The following CLVS1 variants were observed in gnomAD, a reference collection of about 807,000 sequenced individuals.
The protein encoded by CLVS1 is clavesin-1.
A neutral mutation model predicts 33.1 loss-of-function variants in CLVS1; 10 were observed. The ratio of observed to expected loss-of-function variants is 0.30; its 90% CI spans 0.19 to 0.51. CLVS1 has a LOEUF of 0.51. CLVS1 is among the 20% of genes least tolerant of loss of function. The pLI is 0.97. For missense variants in CLVS1, 343 were observed against 433.4 expected, an observed-to-expected ratio of 0.79 and a Z score of 1.85; for synonymous variants, 163 against 166.1, an observed-to-expected ratio of 0.98 and a Z score of 0.14.
chr8:61,375,872 CA>C (rs1409810765), intron 2 of CLVS1, among the ~76,000 whole-genome samples: 7 of 152,150 alleles, frequency 4.6e-5, no homozygotes, highest in Non-Finnish European at 1.0e-4. Context: ...AAACAAAAAT[CA>C]CGTGGCAAAT....
intron 1 of CLVS1, among the ~76,000 whole-genome samples, chr8:61,079,863 G>A (rs1804990430): frequency 6.6e-6 from 1 of 151,824 alleles, no homozygotes; most frequent in Non-Finnish European, 1.5e-5. Flanking sequence ...TGTGCTAAAT[G>A]TTACTAATGG....
At chr8:61,367,867 T>C (rs1166953131) in intron 2 of CLVS1, among the ~76,000 whole-genome samples, 2 of 152,250 alleles carry the variant, frequency 1.3e-5, no homozygotes, top group Non-Finnish European at 2.9e-5. Flanking sequence ...AAAATTACTT[T>C]TTTCTCTTTG....
intron 2 of CLVS1, among the ~76,000 whole-genome samples, chr8:61,190,473 C>A (rs968691951): frequency 6.6e-6 from 1 of 152,062 alleles, no homozygotes; most frequent in Non-Finnish European, 1.5e-5. Flanking sequence ...ACTAGGGAAG[C>A]AAGAGCAAAC....
At chr8:61,363,502 A>G (rs914236436) in intron 2 of CLVS1, among the ~76,000 whole-genome samples, 1 of 152,206 alleles carries the variant, frequency 6.6e-6, no homozygotes, top group African/African-American at 2.4e-5. Flanking sequence ...ATTAAGGAAA[A>G]GAAACCAATG....
chr8:61,092,457 A>G (rs1291763798), intron 1 of CLVS1, among the ~76,000 whole-genome samples: 1 of 152,222 alleles, frequency 6.6e-6, no homozygotes, highest in East Asian at 1.9e-4. Context: ...TTATAACAAC[A>G]CAAATTTACT....
chr8:61,037,726 T>C, the CLVS1 span, among the ~76,000 whole-genome samples: 1 of 152,228 alleles, frequency 6.6e-6, no homozygotes, highest in Non-Finnish European at 1.5e-5. Context: ...AAACACTCGC[T>C]ATCTCCGAGT....
chr8:61,326,283 A>G (rs1303391891), intron 2 of CLVS1, among the ~76,000 whole-genome samples: 2 of 152,178 alleles, frequency 1.3e-5, no homozygotes, highest in Non-Finnish European at 2.9e-5. Flanking sequence ...TCTCATGATT[A>G]TGTGACTTGA....
At chr8:61,451,810 C>CAGAGAGAGAGAGAGAGAGAG (rs545429020) in intron 3 of CLVS1, among the ~76,000 whole-genome samples, 2 of 137,408 alleles carry the variant, frequency 1.5e-5, no homozygotes, top group Non-Finnish European at 3.0e-5. Flanking sequence ...CACACACACA[C>CAGAGAGAGAGAGAGAGAGAG]ACAGAGAGAG....
rs151222078 is a variant in CLVS1 at position 61,087,469 on chromosome 8, C to A, written c.-243+30239C>A. 2.0e-3 allele frequency among the ~76,000 whole-genome samples: 299 copies of A among 152,298 alleles called. 1 individual carries two copies. The highest frequency in any genetic ancestry group is 7.0e-3 in the African/African-American group (290 of 41,570). On this transcript the variant is annotated intron_variant, in intron 1 of 2. Coordinates refer to the CLVS1 transcript ENST00000522621. The stretch of plus-strand genomic sequence containing the variant: ...GTCATTCTGTTTCTTTCCTCTCCCC[C>A]CTCCTCATGCTCCAACTCAGAGGAG...
At chr8:61,352,010 T>G (rs1355707006) in intron 2 of CLVS1, among the ~76,000 whole-genome samples, 1 of 151,612 alleles carries the variant, frequency 6.6e-6, no homozygotes, top group East Asian at 1.9e-4. Context: ...AGAGGAAGAG[T>G]AGAAACATGT....
intron 1 of CLVS1, among the ~76,000 whole-genome samples, chr8:61,072,196 C>T (rs62524478): frequency 0.01 from 1,573 of 152,300 alleles, 13 homozygotes; most frequent in Middle Eastern, 0.027. Context: ...CAGCTTCACC[C>T]GCTGCCTTCA....
chr8:61,223,827 T>G (rs1294047452), intron 2 of CLVS1, among the ~76,000 whole-genome samples: 1 of 152,196 alleles, frequency 6.6e-6, no homozygotes, highest in East Asian at 1.9e-4. Context: ...TGGTTTGCTC[T>G]GTTTACATAG....
the CLVS1 span, among the ~76,000 whole-genome samples, chr8:60,986,133 G>T: frequency 6.6e-6 from 1 of 152,166 alleles, no homozygotes; most frequent in South Asian, 2.1e-4. Context: ...AGATGCAAAG[G>T]TTATGAAAAC....
intron 2 of CLVS1, among the ~76,000 whole-genome samples, chr8:61,213,704 C>T (rs1808021593): frequency 6.6e-6 from 1 of 152,060 alleles, no homozygotes; most frequent in South Asian, 2.1e-4. Flanking sequence ...CCTCAGGACC[C>T]TGTAACAATT....
chr8:61,400,093 G>A (rs1203862942), intron 3 of CLVS1, among the ~76,000 whole-genome samples: 1 of 152,108 alleles, frequency 6.6e-6, no homozygotes, highest in African/African-American at 2.4e-5. Context: ...AGTTTCATGG[G>A]TATAGTATTG....
rs542279219 is a variant in CLVS1 at position 61,174,604 on chromosome 8, G to A, written c.-152+42744G>A. 9.9e-5 allele frequency among the ~76,000 whole-genome samples: 15 copies of A among 152,228 alleles called. No homozygotes were observed. The South Asian group carries it at 1.7e-3, about 17-fold the overall frequency. On this transcript the variant is annotated intron_variant, in intron 2 of 2. Coordinates refer to the CLVS1 transcript ENST00000522621. ...GTTCCCCAACCAGTATTTTTTGTTG[G>A]AATTCAGAATGACTTTTTGACCATT...
intron 3 of CLVS1, among the ~76,000 whole-genome samples, chr8:61,392,022 G>A (rs927533423): frequency 6.6e-6 from 1 of 152,104 alleles, no homozygotes; most frequent in South Asian, 2.1e-4. Context: ...TATAATGCTT[G>A]CATTTCTTTA....
At chr8:61,261,297 T>G (rs551820123) in intron 2 of CLVS1, among the ~76,000 whole-genome samples, 5 of 152,322 alleles carry the variant, frequency 3.3e-5, no homozygotes, top group African/African-American at 9.6e-5. Context: ...GAAACACTGG[T>G]TAAGCAACAT....
intron 1 of CLVS1, among the ~76,000 whole-genome samples, chr8:61,291,136 C>T (rs1004633701): frequency 2.0e-5 from 3 of 152,174 alleles, no homozygotes; most frequent in South Asian, 2.1e-4. Context: ...CATTTTTCTT[C>T]CCTAAGTCTG....
Sources: allele counts gnomAD v4.1 joint callset (sites outside exome capture counted in the v4.1 genomes callset), GRCh38; gene constraint gnomAD v4.1.1; transcripts MANE v1.5; gene names NCBI Gene and HGNC (gene_info 2026-07-23, HGNC 2026-07-21).